The following FAM81B variants were observed in gnomAD, a reference collection of about 807,000 sequenced individuals.
FAM81B encodes family with sequence similarity 81 member B.
A neutral mutation model predicts 58.7 loss-of-function variants in FAM81B; 60 were observed. That is an observed-to-expected ratio of 1.02 (90% CI 0.83 to 1.27). The LOEUF (loss-of-function observed/expected upper bound fraction) is 1.27, where lower values mean the gene tolerates loss of function less well. Among genes scored for constraint, FAM81B ranks in the 50% most tolerant of loss-of-function variants. The pLI, the probability that FAM81B is intolerant of heterozygous loss-of-function variation, is 0.00. For synonymous variants in FAM81B, 189 were observed against 179.6 expected, an observed-to-expected ratio of 1.05 and a Z score of -0.42; for missense variants, 491 against 522.0, an observed-to-expected ratio of 0.94 and a Z score of 0.58.
In FAM81B at chr5:95,392,854, C is replaced by G; in HGVS notation, c.185C>G (p.Pro62Arg). 6.2e-7 allele frequency: 1 copy of G among 1,612,412 alleles called. No individual in the cohort carries two copies. The highest frequency in any genetic ancestry group is 8.5e-7 in the Non-Finnish European group (1 of 1,179,320). The stretch of plus-strand genomic sequence containing the variant: ...ACTGCAGAGGAACAGCCAGTTGAAC[C>G]TGATGGCCCCCTTCCTGGCTCAGAC... Reference protein sequence around the residue: ...TATAEEQPVEPDGPLPGSDNN... With the variant: ...TATAEEQPVERDGPLPGSDNN... Residue 62 changes from proline to arginine, a missense_variant, in exon 2 of 10, where the codon CCT becomes CGT. Coordinates refer to ENST00000283357, the MANE Select transcript of FAM81B (RefSeq NM_152548.3).
chr5:95,434,616 C>T (rs1561310187), intron 6 of FAM81B, among the ~76,000 whole-genome samples: 2 of 152,228 alleles, frequency 1.3e-5, no homozygotes, highest in African/African-American at 2.4e-5. Flanking sequence ...GCATGGACAT[C>T]TTTTCGAGCC....
In FAM81B at chr5:95,446,722, A is replaced by G. The variant is rs552334212; in HGVS notation, c.1029+25A>G. The stretch of plus-strand genomic sequence containing the variant: ...GGTGAGGAGTTCTGTTATTTTGTGA[A>G]GCAAGCACCTGCATAGTCCTTGTTA... On this transcript the variant is annotated intron_variant, in intron 8 of 9. Transcript: ENST00000283357. 4.4e-6 allele frequency: 7 copies of G among 1,608,890 alleles called. No homozygotes were observed. In the African/African-American group the frequency reaches 5.4e-5, roughly 12 times the overall value.
intron 3 of FAM81B, among the ~76,000 whole-genome samples, chr5:95,400,179 T>A (rs760837957): frequency 7.9e-5 from 12 of 152,222 alleles, no homozygotes; most frequent in Non-Finnish European, 1.6e-4. Flanking sequence ...AATAGAAATG[T>A]ATTACCTCAC....
At chr5:95,413,066 T>C (rs1762445232) in intron 3 of FAM81B, among the ~76,000 whole-genome samples, 3 of 152,228 alleles carry the variant, frequency 2.0e-5, no homozygotes, top group Non-Finnish European at 4.4e-5. Flanking sequence ...ATTCTTTTTA[T>C]TCTCTGATGA....
intron 5 of FAM81B, 63 bp from the exon 6 acceptor site, chr5:95,428,540 C>CT: frequency 6.3e-7 from 1 of 1,593,684 alleles, no homozygotes; most frequent in East Asian, 2.2e-5. Context: ...GTGCAGGTGT[C>CT]TACTATAGTG....
At chr5:95,415,579 T>C (rs1213140493) in intron 4 of FAM81B, among the ~76,000 whole-genome samples, 1 of 152,224 alleles carries the variant, frequency 6.6e-6, no homozygotes, top group Non-Finnish European at 1.5e-5. Flanking sequence ...GGTATTTCCA[T>C]GCATAATGAA....
At chr5:95,397,912 C>A (rs1762004815) in intron 3 of FAM81B, among the ~76,000 whole-genome samples, 1 of 152,164 alleles carries the variant, frequency 6.6e-6, no homozygotes. Context: ...CCTCCAGTAG[C>A]CTATCATGAT....
chr5:95,399,070 A>T (rs1762039377), intron 3 of FAM81B, among the ~76,000 whole-genome samples: 1 of 152,250 alleles, frequency 6.6e-6, no homozygotes, highest in Non-Finnish European at 1.5e-5. Context: ...GCTGGGCTAT[A>T]GCCAATATAT....
chr5:95,432,391 TA>T (rs1744938064), intron 6 of FAM81B, among the ~76,000 whole-genome samples: 1 of 152,068 alleles, frequency 6.6e-6, no homozygotes, highest in Non-Finnish European at 1.5e-5. Context: ...ACTGACTTCA[TA>T]AAAAAATTTG....
intron 3 of FAM81B, among the ~76,000 whole-genome samples, chr5:95,398,161 A>G (rs1178151507): frequency 1.3e-5 from 2 of 152,188 alleles, no homozygotes; most frequent in Non-Finnish European, 2.9e-5. Flanking sequence ...GCTCACATCT[A>G]TAATCCCAGC....
At chr5:95,421,767 GC>G (rs1440872395) in intron 5 of FAM81B, among the ~76,000 whole-genome samples, 1 of 152,206 alleles carries the variant, frequency 6.6e-6, no homozygotes, top group East Asian at 1.9e-4. Context: ...AGCCATGAAA[GC>G]CCAGAGTAGG....
At chr5:95,449,542 T>C (rs1432191576) in intron 9 of FAM81B, among the ~76,000 whole-genome samples, 1 of 152,200 alleles carries the variant, frequency 6.6e-6, no homozygotes, top group Non-Finnish European at 1.5e-5. Context: ...TTCAAATTAA[T>C]GGTTTGCTGC....
At chr5:95,447,471 A>C (rs2731829) in intron 8 of FAM81B, among the ~76,000 whole-genome samples, 62,960 of 152,164 alleles carry the variant, frequency 0.41, 16,109 homozygotes, top group Non-Finnish European at 0.55. Flanking sequence ...ATGTGTGGTA[A>C]GACTGCAGCT....
chr5:95,439,949 G>A (rs1182453984), intron 7 of FAM81B: 3 of 286,422 alleles, frequency 1.0e-5, no homozygotes, highest in Non-Finnish European at 2.0e-5. Context: ...GAACCCAGGA[G>A]TTCGGGTTAC....
intron 7 of FAM81B, among the ~76,000 whole-genome samples, chr5:95,441,912 G>T (rs1299477525): frequency 6.6e-6 from 1 of 152,174 alleles, no homozygotes; most frequent in East Asian, 1.9e-4. Context: ...TTTTAACAAG[G>T]GTTTGGCAGG....
intron 5 of FAM81B, among the ~76,000 whole-genome samples, chr5:95,425,705 T>C (rs780491607): frequency 7.9e-5 from 12 of 152,192 alleles, no homozygotes; most frequent in Non-Finnish European, 1.3e-4. Flanking sequence ...ACCATAGACA[T>C]TCTAGTGACA....
chr5:95,412,548 G>T (rs934619119), intron 3 of FAM81B, among the ~76,000 whole-genome samples: 3 of 152,154 alleles, frequency 2.0e-5, no homozygotes, highest in African/African-American at 7.2e-5. Context: ...ATATGGGGTG[G>T]CCAATTCACT....
At chr5:95,392,766 G>C in intron 1 of FAM81B, 28 bp from the exon 2 acceptor site, 1 of 1,579,232 alleles carries the variant, frequency 6.3e-7, no homozygotes. Context: ...CATAGTTCCT[G>C]ACCTGATTCA....
At chr5:95,420,656 A>G (rs1296920541) in intron 5 of FAM81B, among the ~76,000 whole-genome samples, 1 of 152,216 alleles carries the variant, frequency 6.6e-6, no homozygotes, top group Non-Finnish European at 1.5e-5. Context: ...TTGCAGCCTC[A>G]ACCGTCCAAA....
Sources: allele counts gnomAD v4.1 joint callset (sites outside exome capture counted in the v4.1 genomes callset), GRCh38; gene constraint gnomAD v4.1.1; transcripts MANE v1.5; gene names NCBI Gene and HGNC (gene_info 2026-07-23, HGNC 2026-07-21).